Variants in ATP6V0C observed in about 807,000 individuals in gnomAD.
ATP6V0C encodes the protein ATPase H+ transporting V0 subunit c, also known as V-type proton ATPase 16 kDa proteolipid subunit c.
ATP6V0C carries 2 observed loss-of-function variants against 10.6 expected under a neutral mutation model. The ratio of observed to expected loss-of-function variants is 0.19; its 90% confidence interval spans 0.08 to 0.59. The LOEUF is 0.59. Ranked by LOEUF, ATP6V0C falls within the 20% of genes least tolerant of loss-of-function variation. The probability of loss-of-function intolerance (pLI) is 0.90; values close to 1 mark genes in which losing one functional copy is unlikely to be tolerated. For synonymous variants in ATP6V0C, 128 were observed against 101.3 expected, an observed-to-expected ratio of 1.26 and a Z score of -1.59; for missense variants, 89 against 225.9, an observed-to-expected ratio of 0.39 and a Z score of 3.88.
In ATP6V0C at chr16:2,519,919, C is replaced by T. The variant is rs2065901435; in HGVS notation, c.*174C>T. The T allele has an allele frequency of 2.1e-6, 2 of 951,928 alleles. No homozygotes were observed. Among genetic ancestry groups the T allele is most frequent in the Non-Finnish European group, 3.2e-6 (2 of 616,934 alleles). The allele number at this position is 951,928 out of a possible 1,614,324, so 59.0% of individuals were successfully genotyped here. A position where few individuals can be genotyped will look rare whatever the true frequency, so the allele number is the denominator to read the frequency against. On this transcript the variant is annotated 3_prime_UTR_variant, in exon 3 of 3. Transcript: ENST00000330398. ...TCCCCGGCCTTGCCCCCGCCCGCCC[C>T]GTGCCGTGGACATCTGGGCCCACTC...
rs766811949 is a variant in ATP6V0C at position 2,519,414 on chromosome 16, G to T, written c.263+13G>T. The T allele has an allele frequency of 6.2e-7, 1 of 1,607,590 alleles. No homozygotes were observed. The highest frequency in any genetic ancestry group is 8.5e-7 in the Non-Finnish European group (1 of 1,175,460). On this transcript the variant is annotated intron_variant, in intron 2 of 2. Transcript: ENST00000330398. ...TCAGCCTCTACAAGTGAGCACTGGG[G>T]TCAGGCCCCTGCCCAGGGCTGGAGG...
intron 1 of ATP6V0C, among the ~76,000 whole-genome samples, chr16:2,515,541 G>A (rs905435338): frequency 4.6e-5 from 7 of 152,270 alleles, no homozygotes; most frequent in African/African-American, 1.2e-4. Context: ...GTGCAAGTAA[G>A]GGGTCATTTG....
chr16:2,514,757 C>G (rs527926511), intron 1 of ATP6V0C, among the ~76,000 whole-genome samples: 1 of 152,302 alleles, frequency 6.6e-6, no homozygotes, highest in South Asian at 2.1e-4. Context: ...CCGGTTGGAG[C>G]TGGTTACAGT....
rs370364508 is a variant in ATP6V0C at position 2,519,952 on chromosome 16, C to T, written c.*207C>T. The T allele has an allele frequency of 4.6e-5, 35 of 754,670 alleles. No homozygotes were observed. The highest frequency in any genetic ancestry group is 7.3e-5 in the Non-Finnish European group (32 of 436,006). The allele number at this position is 754,670 out of a possible 1,614,324, so 46.7% of individuals were successfully genotyped here. ...GGACATCTGGGCCCACTCATCGCCC[C>T]TCCAGGCCCCCGGCGCCCCACCCCC... On this transcript the variant is annotated 3_prime_UTR_variant, in exon 3 of 3. Coordinates refer to ENST00000330398, the MANE Select transcript of ATP6V0C (RefSeq NM_001694.4).
At chr16:2,518,990 T>C in intron 1 of ATP6V0C, 1 of 507,532 alleles carries the variant, frequency 2.0e-6, no homozygotes, top group Non-Finnish European at 3.5e-6. Context: ...ACTCTGAGGG[T>C]GGGGGCCTCA....
rs1179488883 is a variant in ATP6V0C, at chr16:2,515,717, G to C, written c.79+1535G>C. ...TTCCATTTTGCCTGGCCACCTGTGG[G>C]GTATTAGCTTGTGGCTGTCACTCAT... is the stretch of plus-strand genomic sequence containing the variant. On this transcript the variant is annotated intron_variant, in intron 1 of 2. Coordinates refer to ENST00000330398, the MANE Select transcript of ATP6V0C (RefSeq NM_001694.4). Among the ~76,000 whole-genome samples, 4 of 152,280 alleles carry C rather than the reference G, an allele frequency of 2.6e-5. No homozygotes were observed. The East Asian group carries it at 7.7e-4, about 29-fold the overall frequency.
rs2065894873 is a variant in ATP6V0C at position 2,519,205 on chromosome 16, C to T, written c.80-13C>T. 1 of 1,603,532 alleles carries T rather than the reference C, an allele frequency of 6.2e-7. No homozygotes were observed. Among genetic ancestry groups the T allele is most frequent in the Non-Finnish European group, 8.5e-7 (1 of 1,173,880 alleles). ...GCGTACTGCTGTGGGCTCACCCCGC[C>T]TTCCTCCCACAGCCCTGGGCGCTGC... On this transcript the variant is annotated splice_polypyrimidine_tract_variant and intron_variant, in intron 1 of 2. Coordinates refer to ENST00000330398, the MANE Select transcript of ATP6V0C (RefSeq NM_001694.4).
In ATP6V0C at chr16:2,520,008, A is replaced by C. The variant is rs1283881416; in HGVS notation, c.*263A>C. 2 of 686,838 alleles carry C rather than the reference A, an allele frequency of 2.9e-6. No individual in the cohort carries two copies. The highest frequency in any genetic ancestry group is 2.8e-5 in the East Asian group (1 of 36,104). The allele number at this position is 686,838 out of a possible 1,614,324, so 42.5% of individuals were successfully genotyped here. A position where few individuals can be genotyped will look rare whatever the true frequency, so the allele number is the denominator to read the frequency against. ...TGCTCTGTGTATGCGGATGATTTAG[A>C]ATTGTCATTTCTCTTTACTGGATGT... On this transcript the variant is annotated 3_prime_UTR_variant, in exon 3 of 3. Transcript: ENST00000330398.
At chr16:2,515,046 C>T (rs960627030) in intron 1 of ATP6V0C, among the ~76,000 whole-genome samples, 3 of 152,162 alleles carry the variant, frequency 2.0e-5, no homozygotes, top group South Asian at 2.1e-4. Flanking sequence ...AATGAATGAC[C>T]TTCCTTTCCC....
At chr16:2,516,030 TAA>T (rs1195050038) in intron 1 of ATP6V0C, among the ~76,000 whole-genome samples, 1 of 151,922 alleles carries the variant, frequency 6.6e-6, no homozygotes, top group Non-Finnish European at 1.5e-5. Flanking sequence ...CTCTTCGGGA[TAA>T]ACGTGGCTTA....
rs1023544412 is a variant in ATP6V0C at position 2,520,026 on chromosome 16, C to G, written c.*281C>G. 6 of 673,464 alleles carry G rather than the reference C, an allele frequency of 8.9e-6. No individual in the cohort carries two copies. The highest frequency in any genetic ancestry group is 1.6e-5 in the Non-Finnish European group (6 of 368,376). The allele number at this position is 673,464 out of a possible 1,614,324, so 41.7% of individuals were successfully genotyped here. On this transcript the variant is annotated 3_prime_UTR_variant, in exon 3 of 3. Transcript: ENST00000330398. Reference sequence around the variant, plus strand: ...GATTTAGAATTGTCATTTCTCTTTACTGGATGTTTATTTATAAAGATCTGG... The same window carrying G: ...GATTTAGAATTGTCATTTCTCTTTAGTGGATGTTTATTTATAAAGATCTGG...
At chr16:2,517,957 G>A (rs2065885558) in intron 1 of ATP6V0C, 1 of 152,168 alleles carries the variant, frequency 6.6e-6, no homozygotes, top group Non-Finnish European at 1.5e-5. Context: ...GTAGAGACGA[G>A]GTTTCACCAT....
chr16:2,518,970 G>A (rs1268563032), intron 1 of ATP6V0C: 2 of 477,220 alleles, frequency 4.2e-6, no homozygotes, highest in East Asian at 3.5e-5. Context: ...GCTGCTGGAG[G>A]AAGAGCTGGA....
Position 2,519,779 on chromosome 16 carries a change from T to G in ATP6V0C, c.*34T>G. The G allele has an allele frequency of 6.3e-7, 1 of 1,583,286 alleles. No homozygotes were observed. The highest frequency in any genetic ancestry group is 8.6e-7 in the Non-Finnish European group (1 of 1,158,462). On this transcript the variant is annotated 3_prime_UTR_variant, in exon 3 of 3. Coordinates refer to ENST00000330398, the MANE Select transcript of ATP6V0C (RefSeq NM_001694.4). Reference sequence around the variant, plus strand: ...CGAGCCCACCAGCCACAGAATATTATGTAAAGACCACCCCTCCTCATTCCA... The same window carrying G: ...CGAGCCCACCAGCCACAGAATATTAGGTAAAGACCACCCCTCCTCATTCCA...
chr16:2,519,832 G>A lies in ATP6V0C; in HGVS notation c.*87G>A. 1 of 1,520,048 alleles carries A rather than the reference G, an allele frequency of 6.6e-7. No individual in the cohort carries two copies. Among genetic ancestry groups the A allele is most frequent in the South Asian group, 1.1e-5 (1 of 88,618 alleles). The allele number at this position is 1,520,048 out of a possible 1,614,324, so 94.2% of individuals were successfully genotyped here. Reference sequence around the variant, plus strand: ...ACGAACAGCCTGACACATACGCACGGGGCCGCCGCCCCCAGTAGTTGGTCT... The same window carrying A: ...ACGAACAGCCTGACACATACGCACGAGGCCGCCGCCCCCAGTAGTTGGTCT... On this transcript the variant is annotated 3_prime_UTR_variant, in exon 3 of 3. Coordinates refer to ENST00000330398, the MANE Select transcript of ATP6V0C (RefSeq NM_001694.4).
Position 2,519,631 on chromosome 16 carries a change from G to T in ATP6V0C, c.354G>T (p.Val118=), listed in dbSNP as rs772332489. 6.2e-7 allele frequency: 1 copy of T among 1,605,952 alleles called. No individual in the cohort carries two copies. Among genetic ancestry groups the T allele is most frequent in the South Asian group, 1.1e-5 (1 of 90,836 alleles). Reference sequence around the variant, plus strand: ...TCGGCATCGTGGGGGACGCTGGCGTGCGGGGCACCGCCCAGCAGCCCCGAC... The same window carrying T: ...TCGGCATCGTGGGGGACGCTGGCGTTCGGGGCACCGCCCAGCAGCCCCGAC... ...FAIGIVGDAG[V]RGTAQQPRLF... is the part of the protein sequence containing the mutation. Residue 118 remains valine, a synonymous_variant, in exon 3 of 3, where the codon GTG becomes GTT. Transcript: ENST00000330398.
chr16:2,518,925 A>T, intron 1 of ATP6V0C: 1 of 401,996 alleles, frequency 2.5e-6, no homozygotes, highest in East Asian at 4.4e-5. Context: ...CTGCAGAGCC[A>T]GGAGCCCCAG....
At chr16:2,519,043 G>T (rs1427369544) in intron 1 of ATP6V0C, 175 bp from the exon 2 acceptor site, 18 of 666,138 alleles carry the variant, frequency 2.7e-5, no homozygotes, top group South Asian at 2.2e-5. Flanking sequence ...CCTTTTGCTT[G>T]CCCGTGGCTG....
At chr16:2,514,247 C>T (rs1479429447) in intron 1 of ATP6V0C, 65 bp downstream of exon 1, 5 of 1,463,102 alleles carry the variant, frequency 3.4e-6, no homozygotes, top group African/African-American at 1.5e-5. Flanking sequence ...CCGCAGCTCG[C>T]CGGGGTCCGG....
Sources: allele counts gnomAD v4.1 joint callset (sites outside exome capture counted in the v4.1 genomes callset), GRCh38; gene constraint gnomAD v4.1.1; transcripts MANE v1.5; gene names NCBI Gene and HGNC (gene_info 2026-07-23, HGNC 2026-07-21).